Variants in NIBAN2 observed in about 807,000 individuals in gnomAD.
NIBAN2 encodes protein Niban 2.
NIBAN2 carries 36 observed loss-of-function variants against 81.8 expected under a neutral mutation model. That is an observed-to-expected ratio of 0.44 (90% CI 0.34 to 0.58). The LOEUF is 0.58. Ranked by LOEUF, NIBAN2 falls within the 20% of genes least tolerant of loss-of-function variation. The pLI, the probability that NIBAN2 is intolerant of heterozygous loss-of-function variation, is 0.02. For missense variants in NIBAN2, 897 were observed against 1,014.1 expected (o/e 0.88, Z 1.57); for synonymous variants, 445 against 441.6 (o/e 1.01, Z -0.10).
chr9:127,574,429 A>T (rs965968322), intron 1 of NIBAN2, among the ~76,000 whole-genome samples: 1 of 152,054 alleles, frequency 6.6e-6, no homozygotes, highest in African/African-American at 2.4e-5. Context: ...GAATAATAAT[A>T]TTTGGCTTTA....
Position 127,508,604 on chromosome 9 carries a change from G to A in NIBAN2, c.1318-66C>T, listed in dbSNP as rs1836664277. 3 of 1,353,164 alleles carry A rather than the reference G, an allele frequency of 2.2e-6. No homozygotes were observed. The highest frequency in any genetic ancestry group is 1.7e-5 in the Admixed American group (1 of 59,364). The allele number at this position is 1,353,164 out of a possible 1,614,324, so 83.8% of individuals were successfully genotyped here. A position where few individuals can be genotyped will look rare whatever the true frequency, so the allele number is the denominator to read the frequency against. ...CCACAGCCCCTTCCTGGGTGCCGCT[G>A]AGGGGTCCTCATCCTCAACCAGCCC... On this transcript the variant is annotated intron_variant, in intron 10 of 13. Transcript: ENST00000373312. The surrounding 1 kb of genome is among the most constrained non-coding windows in gnomAD (Gnocchi z 6.4).
At chr9:127,543,657 C>T (rs529314354) in intron 1 of NIBAN2, among the ~76,000 whole-genome samples, 10 of 152,288 alleles carry the variant, frequency 6.6e-5, no homozygotes, top group South Asian at 2.1e-4. Flanking sequence ...ACACCCTGGG[C>T]GTCTCTCGCC....
chr9:127,568,499 C>G (rs553494857), intron 1 of NIBAN2, among the ~76,000 whole-genome samples: 36 of 150,984 alleles, frequency 2.4e-4, no homozygotes, highest in African/African-American at 8.4e-4. Context: ...GGGTGGGCAG[C>G]AGGCTGCGAC....
At chr9:127,548,516 G>C (rs539431605) in intron 1 of NIBAN2, among the ~76,000 whole-genome samples, 6 of 152,188 alleles carry the variant, frequency 3.9e-5, no homozygotes, top group African/African-American at 9.7e-5. Context: ...GCAGCCTTAG[G>C]GGGTGGAGAA....
intron 8 of NIBAN2, among the ~76,000 whole-genome samples, chr9:127,514,753 T>C (rs535782926): frequency 6.6e-6 from 1 of 152,334 alleles, no homozygotes; most frequent in Admixed American, 6.5e-5. Context: ...CTCAAGAATA[T>C]TTAGATGTCC....
At chr9:127,557,123 C>A (rs1325254582) in intron 1 of NIBAN2, among the ~76,000 whole-genome samples, 3 of 152,180 alleles carry the variant, frequency 2.0e-5, no homozygotes, top group African/African-American at 7.2e-5. Flanking sequence ...TACAGGTACA[C>A]ACGGGTGGCC....
rs1405489716 is a variant in NIBAN2, at chr9:127,507,813, G to A, written c.1654+54C>T. 2 of 1,526,584 alleles carry A rather than the reference G, an allele frequency of 1.3e-6. No homozygotes were observed. Among genetic ancestry groups the A allele is most frequent in the Non-Finnish European group, 1.8e-6 (2 of 1,101,626 alleles). 94.6% of individuals were successfully genotyped at this position (1,526,584 alleles called of 1,614,324 possible). A position where few individuals can be genotyped will look rare whatever the true frequency, so the allele number is the denominator to read the frequency against. On this transcript the variant is annotated intron_variant, in intron 13 of 13. Coordinates refer to ENST00000373312, the MANE Select transcript of NIBAN2 (RefSeq NM_022833.4). This position sits in a 1 kb window ranked among gnomAD's most constrained non-coding sequence, Gnocchi z 6.8. Reference sequence around the variant, plus strand: ...CCCCCTCAGCTGCCACCACTTCTCAGCTGCGCCCCCAGCATCCTCCTGGCA... The same window carrying A: ...CCCCCTCAGCTGCCACCACTTCTCAACTGCGCCCCCAGCATCCTCCTGGCA...
intron 1 of NIBAN2, among the ~76,000 whole-genome samples, chr9:127,539,633 C>T (rs1837341820): frequency 6.6e-6 from 1 of 152,186 alleles, no homozygotes; most frequent in Non-Finnish European, 1.5e-5. Flanking sequence ...GCTCAGCTGA[C>T]CGAAAATCTC....
chr9:127,540,655 G>C (rs1837361224), intron 1 of NIBAN2, among the ~76,000 whole-genome samples: 1 of 152,176 alleles, frequency 6.6e-6, no homozygotes, highest in Admixed American at 6.5e-5. Context: ...TCTGCACCCT[G>C]GTCCCGACCT....
intron 1 of NIBAN2, among the ~76,000 whole-genome samples, chr9:127,537,277 T>G (rs1433328836): frequency 2.0e-5 from 3 of 152,240 alleles, no homozygotes; most frequent in African/African-American, 7.2e-5. Flanking sequence ...TCCCGAGCTC[T>G]GAGCTCTGCA....
At chr9:127,512,591 T>C (rs879777359) in intron 8 of NIBAN2, among the ~76,000 whole-genome samples, 1 of 152,298 alleles carries the variant, frequency 6.6e-6, no homozygotes, top group South Asian at 2.1e-4. Flanking sequence ...CGGCCCATTT[T>C]ACGTATGTTG....
At chr9:127,519,831 C>A (rs1836902106) in intron 5 of NIBAN2, among the ~76,000 whole-genome samples, 1 of 152,212 alleles carries the variant, frequency 6.6e-6, no homozygotes, top group Non-Finnish European at 1.5e-5. Flanking sequence ...CCCCCCGCCA[C>A]CCCACCCGCC....
chr9:127,567,406 C>A lies in NIBAN2; in HGVS notation c.55+1414G>T, dbSNP rs1392612482. ...AGGCTTTCCAGGACTTAACCCCACG[C>A]TGGTCAGAGGCTAGAGAGGGTCCGA... On this transcript the variant is annotated intron_variant, in intron 1 of 13. Transcript: ENST00000373312. Among the ~76,000 whole-genome samples, 6 of 152,178 alleles carry A rather than the reference C, an allele frequency of 3.9e-5. No homozygotes were observed. The South Asian group carries it at 1.0e-3, about 26-fold the overall frequency.
Position 127,507,217 on chromosome 9 carries a change from G to A in NIBAN2, c.1869C>T (p.Val623=). Residue 623 remains valine, a synonymous_variant, in exon 14 of 14, where the codon GTC becomes GTT. Coordinates refer to ENST00000373312, the MANE Select transcript of NIBAN2 (RefSeq NM_022833.4). This position sits in a 1 kb window ranked among gnomAD's most constrained non-coding sequence, Gnocchi z 6.8. ...SEKRRRAKQV[V]SVVQDEEVGL... ...CCACCTCCTCATCCTGGACCACAGA[G>A]ACCACCTGCTTGGCGCGCCGTCGCT... 1 of 1,612,628 alleles carries A rather than the reference G, an allele frequency of 6.2e-7. No homozygotes were observed. The highest frequency in any genetic ancestry group is 8.5e-7 in the Non-Finnish European group (1 of 1,179,420).
intron 9 of NIBAN2, among the ~76,000 whole-genome samples, chr9:127,509,535 G>A (rs1164602513): frequency 6.6e-6 from 1 of 152,050 alleles, no homozygotes; most frequent in East Asian, 1.9e-4. Context: ...TATGGTCTGT[G>A]GACTCCCCAT....
Position 127,568,851 on chromosome 9 carries a change from G to A in NIBAN2, c.24C>T (p.His8=). 1.5e-6 allele frequency: 2 copies of A among 1,367,740 alleles called. No homozygotes were observed. Among genetic ancestry groups the A allele is most frequent in the South Asian group, 3.1e-5 (2 of 64,458 alleles). 84.7% of individuals were successfully genotyped at this position (1,367,740 alleles called of 1,614,324 possible). A position where few individuals can be genotyped will look rare whatever the true frequency, so the allele number is the denominator to read the frequency against. Residue 8 remains histidine, a synonymous_variant, in exon 1 of 14, where the codon CAC becomes CAT. Coordinates refer to ENST00000373312, the MANE Select transcript of NIBAN2 (RefSeq NM_022833.4). MGDVLST[H]LDDARRQHIA... ...TGTGCTGGCGCCGGGCGTCGTCCAG[G>A]TGCGTGGACAGCACGTCCCCCATGG...
intron 1 of NIBAN2, among the ~76,000 whole-genome samples, chr9:127,543,285 CACGCCATCTGACATAG>C (rs1173340584): frequency 1.9e-4 from 29 of 152,308 alleles, no homozygotes; most frequent in African/African-American, 6.0e-4. Context: ...GGGGACACCT[CACGCCATCTGACATAG>C]ACCCGGACAA....
At chr9:127,575,665 GA>G (rs1838000731) in intron 1 of NIBAN2, among the ~76,000 whole-genome samples, 1 of 151,454 alleles carries the variant, frequency 6.6e-6, no homozygotes, top group Non-Finnish European at 1.5e-5. Context: ...GAGTAGCTGG[GA>G]TTACAGGCAC....
chr9:127,520,746 T>C (rs984849844), intron 5 of NIBAN2, among the ~76,000 whole-genome samples: 1 of 151,690 alleles, frequency 6.6e-6, no homozygotes, highest in Non-Finnish European at 1.5e-5. Flanking sequence ...TAGCCAGGTG[T>C]GGTGGCACAC....
Sources: gnomAD v4.1 joint callset for allele counts (sites outside exome capture counted in the v4.1 genomes callset) on GRCh38, gnomAD v4.1.1 for gene constraint, Gnocchi (gnomAD v3.1) non-coding constraint, MANE v1.5 for transcripts, NCBI Gene and HGNC (gene_info 2026-07-23, HGNC 2026-07-21) for gene names.